DNM3: variants seen among roughly 807,000 people sequenced by gnomAD.
DNM3 encodes dynamin-3.
Under a neutral mutation model 101.6 loss-of-function variants are expected in DNM3, and 47 were observed. That is an observed-to-expected ratio of 0.46 (90% CI 0.37 to 0.59). The LOEUF is 0.59. DNM3 is among the 20% of genes least tolerant of loss of function. The pLI is 0.00. For synonymous variants in DNM3, 385 were observed against 387.9 expected, an observed-to-expected ratio of 0.99 and a Z score of 0.09; for missense variants, 849 against 1,085.7, an observed-to-expected ratio of 0.78 and a Z score of 3.06.
In DNM3 at chr1:172,283,780, A is replaced by AAAAAAAAAAAAAAAAG. The variant is rs1553221113; in HGVS notation, c.1770-24945_1770-24944insAAAAAAAAAAAAGAAA. 6.5e-4 allele frequency among the ~76,000 whole-genome samples: 77 copies of AAAAAAAAAAAAAAAAG among 119,056 alleles called. 3 individuals are homozygous for AAAAAAAAAAAAAAAAG. The highest frequency in any genetic ancestry group is 2.4e-3 in the African/African-American group (72 of 29,608). 78.1% of individuals were successfully genotyped at this position (119,056 alleles called of 152,430 possible). On this transcript the variant is annotated intron_variant, in intron 15 of 20. Coordinates refer to ENST00000627582, the MANE Select transcript of DNM3 (RefSeq NM_015569.5). ...ATCTCAAAAAAAAAAAAAAAAAAAAAAAAGAAAGAAAGAAAGAAAACCAAG... is the reference window on the plus strand; with the variant it reads ...ATCTCAAAAAAAAAAAAAAAAAAAAAAAAAAAAAAAAAAAAGAAAGAAAGAAAGAAAGAAAACCAAG...
At position 172,211,849 on chromosome 1, in the gene DNM3, A is replaced by G. The variant is rs564125930; in HGVS notation, c.1660-41724A>G. Among the ~76,000 whole-genome samples the G allele has an allele frequency of 8.5e-5, 13 of 152,238 alleles. No individual in the cohort carries two copies. The East Asian group carries it at 2.3e-3, about 27-fold the overall frequency. ...ATGTGAAGAAATGGATTTTCAAGGA[A>G]CAGGTGGAAATTGAAAAGAAAATGG... On this transcript the variant is annotated intron_variant, in intron 14 of 20. Transcript: ENST00000627582.
Position 172,172,708 on chromosome 1 carries a change from A to T in DNM3, c.1659+41420A>T, listed in dbSNP as rs138276673. Among the ~76,000 whole-genome samples the T allele has an allele frequency of 2.4e-3, 357 of 151,874 alleles. 1 individual carries two copies. Among genetic ancestry groups the T allele is most frequent in the African/African-American group, 8.3e-3 (343 of 41,516 alleles). Reference sequence around the variant, plus strand: ...AGTTCTATGTAAATCAGAGATAAAGATAAGACACAAGATGTGATGTAATGC... The same window carrying T: ...AGTTCTATGTAAATCAGAGATAAAGTTAAGACACAAGATGTGATGTAATGC... On this transcript the variant is annotated intron_variant, in intron 14 of 20. Coordinates refer to ENST00000627582, the MANE Select transcript of DNM3 (RefSeq NM_015569.5).
rs527730166 is a variant in DNM3, at chr1:172,165,942, C to T, written c.1659+34654C>T. On this transcript the variant is annotated intron_variant, in intron 14 of 20. Transcript: ENST00000627582. ...TATCTTTTTTGTGCCAGGCACTGTGCTGGGTGCTTGGAATATAAAGCATAA... is the reference window on the plus strand; with the variant it reads ...TATCTTTTTTGTGCCAGGCACTGTGTTGGGTGCTTGGAATATAAAGCATAA... Among the ~76,000 whole-genome samples, 70 of 152,104 alleles carry T rather than the reference C, an allele frequency of 4.6e-4. No individual in the cohort carries two copies. In the South Asian group the frequency reaches 8.3e-3, roughly 18 times the overall value.
intron 4 of DNM3, among the ~76,000 whole-genome samples, chr1:172,031,200 A>C (rs1468016912): frequency 6.6e-6 from 1 of 152,180 alleles, no homozygotes; most frequent in Non-Finnish European, 1.5e-5. Context: ...GTACATACAC[A>C]CCATGGAATA....
chr1:172,261,278 G>T (rs1355312875), intron 15 of DNM3, among the ~76,000 whole-genome samples: 1 of 152,180 alleles, frequency 6.6e-6, no homozygotes. Flanking sequence ...TTGAAAAGGA[G>T]AACTCTTTTC....
intron 17 of DNM3, among the ~76,000 whole-genome samples, chr1:172,336,479 G>A (rs1487927347): frequency 6.8e-6 from 1 of 146,750 alleles, no homozygotes; most frequent in Non-Finnish European, 1.5e-5. Context: ...ACAATTAAAG[G>A]TTTTCTATAA....
At chr1:172,101,713 G>T (rs368028838) in intron 13 of DNM3, among the ~76,000 whole-genome samples, 123 of 152,080 alleles carry the variant, frequency 8.1e-4, no homozygotes, top group African/African-American at 2.8e-3. Flanking sequence ...ATAGCACCAG[G>T]ATTCAAATCT....
Position 172,008,107 on chromosome 1 carries a change from A to G in DNM3, c.589+18959A>G, listed in dbSNP as rs187166295. Among the ~76,000 whole-genome samples, 4 of 150,536 alleles carry G rather than the reference A, an allele frequency of 2.7e-5. No homozygotes were observed. The East Asian group carries it at 5.9e-4, about 22-fold the overall frequency. On this transcript the variant is annotated intron_variant, in intron 4 of 20. Coordinates refer to ENST00000627582, the MANE Select transcript of DNM3 (RefSeq NM_015569.5). Reference sequence around the variant, plus strand: ...TTCCTTGTATATTCTGGATATTACCATCTTGTCAGATGCACAGTTTGCAAA... The same window carrying G: ...TTCCTTGTATATTCTGGATATTACCGTCTTGTCAGATGCACAGTTTGCAAA...
intron 14 of DNM3, among the ~76,000 whole-genome samples, chr1:172,181,404 ACACACACACAT>A (rs1255878576): frequency 1.5e-5 from 2 of 130,304 alleles, no homozygotes; most frequent in African/African-American, 7.3e-5. Context: ...ACACACACAC[ACACACACACAT>A]ATTTCTGGTA....
intron 14 of DNM3, among the ~76,000 whole-genome samples, chr1:172,145,094 G>T (rs2057808469): frequency 6.6e-6 from 1 of 152,100 alleles, no homozygotes. Flanking sequence ...GTACAGTTCG[G>T]CTGTGGCCAA....
chr1:171,948,172 G>A (rs2042283305), intron 2 of DNM3, among the ~76,000 whole-genome samples: 1 of 152,286 alleles, frequency 6.6e-6, no homozygotes, highest in African/African-American at 2.4e-5. Flanking sequence ...TTTGACAGCT[G>A]ATGAAACAAA....
At chr1:172,058,454 T>C (rs1300861601) in intron 10 of DNM3, among the ~76,000 whole-genome samples, 2 of 151,070 alleles carry the variant, frequency 1.3e-5, no homozygotes, top group Non-Finnish European at 2.9e-5. Flanking sequence ...AGTAAAGCTC[T>C]CCTCAGCAAA....
chr1:172,293,351 C>G (rs1202714443), intron 15 of DNM3, among the ~76,000 whole-genome samples: 1 of 152,214 alleles, frequency 6.6e-6, no homozygotes, highest in Non-Finnish European at 1.5e-5. Context: ...GTCCTGTTCT[C>G]TTTAGTGTAA....
At chr1:172,415,524 G>GATTTT (rs1231581260), downstream of DNM3, 1 of 99,130 alleles carries the variant, frequency 1.0e-5, no homozygotes, top group Non-Finnish European at 1.9e-5. Context: ...TTTTTTGTGA[G>GATTTT]TTTTTTTTTT....
At chr1:172,067,085 A>G (rs941098751) in intron 10 of DNM3, among the ~76,000 whole-genome samples, 1 of 152,292 alleles carries the variant, frequency 6.6e-6, no homozygotes, top group African/African-American at 2.4e-5. Flanking sequence ...TGCTAATCTC[A>G]GTATACCCTC....
chr1:172,116,977 G>A (rs946700567), intron 13 of DNM3, among the ~76,000 whole-genome samples: 4 of 152,042 alleles, frequency 2.6e-5, no homozygotes, highest in Admixed American at 2.0e-4. Flanking sequence ...AGGCTGAGGT[G>A]GGCGGATCAC....
chr1:172,239,244 T>C (rs764218114), intron 14 of DNM3, among the ~76,000 whole-genome samples: 3 of 152,234 alleles, frequency 2.0e-5, no homozygotes, highest in Non-Finnish European at 2.9e-5. Flanking sequence ...ACTAGGTACA[T>C]AATTAACTTT....
At chr1:171,929,727 G>A (rs1427746780) in intron 2 of DNM3, among the ~76,000 whole-genome samples, 1 of 151,970 alleles carries the variant, frequency 6.6e-6, no homozygotes, top group East Asian at 1.9e-4. Flanking sequence ...GAAGTTTCAA[G>A]TCTCTGTTGG....
Position 172,411,093 on chromosome 1 carries a change from T to A in DNM3, c.*3252T>A. On this transcript the variant is annotated 3_prime_UTR_variant, in exon 21 of 21. Coordinates refer to ENST00000627582, the MANE Select transcript of DNM3 (RefSeq NM_015569.5). Reference sequence around the variant, plus strand: ...TGTATGTGCACTGTGTGTATATATATAAATATATGTATATGTATGGTTGTA... The same window carrying A: ...TGTATGTGCACTGTGTGTATATATAAAAATATATGTATATGTATGGTTGTA... 1.0e-6 allele frequency: 1 copy of A among 983,632 alleles called. No homozygotes were observed. The highest frequency in any genetic ancestry group is 1.2e-6 in the Non-Finnish European group (1 of 828,380). The allele number at this position is 983,632 out of a possible 1,614,324, so 60.9% of individuals were successfully genotyped here.
Sources: allele counts gnomAD v4.1 joint callset (sites outside exome capture counted in the v4.1 genomes callset), GRCh38; gene constraint gnomAD v4.1.1; transcripts MANE v1.5; gene names NCBI Gene and HGNC (gene_info 2026-07-23, HGNC 2026-07-21).